CA13: variants seen among roughly 807,000 people sequenced by gnomAD.
The protein encoded by CA13 is carbonic anhydrase 13.
In CA13, 21 loss-of-function variants were observed where a neutral mutation model predicts 31.5. That is an observed-to-expected ratio of 0.67 (90% CI 0.47 to 0.96). The LOEUF (loss-of-function observed/expected upper bound fraction) is 0.96, where lower values mean the gene tolerates loss of function less well. Among genes scored for constraint, CA13 ranks in the 40% least tolerant of loss-of-function variants. CA13 has a pLI of 0.00. For synonymous variants in CA13, 117 were observed against 111.4 expected (o/e 1.05, Z -0.32); for missense variants, 315 against 318.9 (o/e 0.99, Z 0.09).
intron 6 of CA13, among the ~76,000 whole-genome samples, chr8:85,277,557 C>T (rs554199305): frequency 6.6e-6 from 1 of 152,286 alleles, no homozygotes; most frequent in African/African-American, 2.4e-5. Context: ...ATTCCGGACA[C>T]AATAACACTC....
chr8:85,259,529 A>T lies in CA13; in HGVS notation c.344A>T (p.Tyr115Phe), dbSNP rs367666975. Residue 115 changes from tyrosine (Y) to phenylalanine (F), a missense_variant, in exon 3 of 7, where the codon TAT becomes TTT. Transcript: ENST00000321764. ...GAGCACATAGTAGATGGAGTGAGCT[A>T]TGCTGCAGAGGTAAGCCATAAGACA... ...GSEHIVDGVSYAAELHVVHWN... is the reference protein window; with the variant it reads ...GSEHIVDGVSFAAELHVVHWN... 1 of 1,613,656 alleles carries T rather than the reference A, an allele frequency of 6.2e-7. No homozygotes were observed. The highest frequency in any genetic ancestry group is 8.5e-7 in the Non-Finnish European group (1 of 1,179,562).
Position 85,281,201 on chromosome 8 carries a change from C to G in CA13, c.670-29C>G, listed in dbSNP as rs766180296. 1.4e-5 allele frequency: 22 copies of G among 1,602,888 alleles called. No individual in the cohort carries two copies. The African/African-American group carries it at 2.8e-4, about 20-fold the overall frequency. On this transcript the variant is annotated intron_variant, in intron 6 of 6. Transcript: ENST00000321764. The stretch of plus-strand genomic sequence containing the variant: ...ATTAATATTGGTGGGAATTTCTATG[C>G]TGAAGCTAACTCTTTTCTTCTTCTA...
At chr8:85,250,449 G>T (rs1484296555) in intron 1 of CA13, among the ~76,000 whole-genome samples, 1 of 151,878 alleles carries the variant, frequency 6.6e-6, no homozygotes, top group Non-Finnish European at 1.5e-5. Context: ...TTTTAGTTTG[G>T]TAGAAGGTTA....
chr8:85,276,153 C>G (rs936617496), intron 6 of CA13, among the ~76,000 whole-genome samples: 3 of 152,222 alleles, frequency 2.0e-5, no homozygotes, highest in Non-Finnish European at 4.4e-5. Context: ...GTCCCGCACT[C>G]GGAGCGGCGG....
intron 2 of CA13, among the ~76,000 whole-genome samples, chr8:85,256,068 A>T (rs868458986): frequency 6.6e-6 from 1 of 152,190 alleles, no homozygotes; most frequent in Non-Finnish European, 1.5e-5. Flanking sequence ...ACGGAAAGAC[A>T]TGGAAAATAC....
At position 85,278,157 on chromosome 8, in the gene CA13, T is replaced by C. The variant is rs989012497; in HGVS notation, c.670-3073T>C. ...CCTGCCTATATATAACCTCAGCTACTCCGGAGGCTGAGGCATGAGAATTGC... is the reference window on the plus strand; with the variant it reads ...CCTGCCTATATATAACCTCAGCTACCCCGGAGGCTGAGGCATGAGAATTGC... On this transcript the variant is annotated intron_variant, in intron 6 of 6. Transcript: ENST00000321764. 4.7e-5 allele frequency among the ~76,000 whole-genome samples: 7 copies of C among 149,386 alleles called. No homozygotes were observed. In the East Asian group the frequency reaches 1.4e-3, roughly 29 times the overall value.
At chr8:85,251,087 C>T (rs1292418437) in intron 2 of CA13, 150 bp downstream of exon 2, 9 of 675,400 alleles carry the variant, frequency 1.3e-5, no homozygotes, top group Admixed American at 1.1e-4. Flanking sequence ...TTGCAACCTC[C>T]GCCTCCTAAG....
chr8:85,246,302 T>A (rs1261893234), intron 1 of CA13: 1 of 456,080 alleles, frequency 2.2e-6, no homozygotes, highest in East Asian at 6.9e-5. Flanking sequence ...ATAGAAAATC[T>A]TTAAAAATAT....
chr8:85,263,861 A>G (rs899248106), intron 3 of CA13, among the ~76,000 whole-genome samples: 1 of 152,176 alleles, frequency 6.6e-6, no homozygotes, highest in Admixed American at 6.5e-5. Context: ...TTCATGTTCA[A>G]AAGAACCCCT....
At chr8:85,276,467 A>G (rs1255394023) in intron 6 of CA13, among the ~76,000 whole-genome samples, 1 of 152,254 alleles carries the variant, frequency 6.6e-6, no homozygotes, top group Non-Finnish European at 1.5e-5. Flanking sequence ...TGCGAGATCC[A>G]CTGGGTGAAG....
chr8:85,278,597 G>A (rs142865425), intron 6 of CA13, among the ~76,000 whole-genome samples: 4 of 152,322 alleles, frequency 2.6e-5, no homozygotes, highest in East Asian at 1.9e-4. Flanking sequence ...ATGATACGAT[G>A]TTGGGAATTT....
chr8:85,251,245 G>A (rs1045660983), intron 2 of CA13, among the ~76,000 whole-genome samples: 6 of 151,960 alleles, frequency 3.9e-5, no homozygotes, highest in South Asian at 4.2e-4. Context: ...CTCGTGATCC[G>A]CCTGCCTCGG....
chr8:85,268,663 C>A, intron 6 of CA13, 36 bp downstream of exon 6: 1 of 1,511,914 alleles, frequency 6.6e-7, no homozygotes, highest in Non-Finnish European at 8.9e-7. Flanking sequence ...CTGATTCCCT[C>A]AGAGGAAACT....
intron 6 of CA13, among the ~76,000 whole-genome samples, chr8:85,275,926 C>T (rs2130004301): frequency 6.6e-6 from 1 of 152,380 alleles, no homozygotes; most frequent in East Asian, 1.9e-4. Context: ...CTTGCTCGCT[C>T]TCAGCGCCTC....
At chr8:85,268,391 G>C in intron 5 of CA13, 81 bp from the exon 6 acceptor site, 1 of 1,148,478 alleles carries the variant, frequency 8.7e-7, no homozygotes, top group Non-Finnish European at 1.3e-6. Flanking sequence ...AATTATAATG[G>C]AAGTACATGG....
chr8:85,274,922 G>A (rs1005376398), intron 6 of CA13, among the ~76,000 whole-genome samples: 2 of 152,196 alleles, frequency 1.3e-5, no homozygotes, highest in Non-Finnish European at 1.5e-5. Context: ...CGAGGGTGTT[G>A]CCTGCCTGCT....
intron 1 of CA13, among the ~76,000 whole-genome samples, chr8:85,250,029 T>A (rs1389840030): frequency 6.6e-6 from 1 of 152,236 alleles, no homozygotes; most frequent in Non-Finnish European, 1.5e-5. Context: ...AATTCAAATG[T>A]AACATTGGCA....
At position 85,253,014 on chromosome 8, in the gene CA13, C is replaced by T. The variant is rs1181971740; in HGVS notation, c.235+2077C>T. On this transcript the variant is annotated intron_variant, in intron 2 of 6. Transcript: ENST00000321764. ...AGGCTGGAGTGCAATGGCACAGTCT[C>T]GGCTCACCGCAACCTCTGCCTTCCG... Among the ~76,000 whole-genome samples the T allele has an allele frequency of 2.0e-5, 3 of 151,092 alleles. No individual in the cohort carries two copies. In the South Asian group the frequency reaches 6.2e-4, roughly 31 times the overall value.
intron 6 of CA13, among the ~76,000 whole-genome samples, chr8:85,280,447 A>G (rs1231055752): frequency 1.3e-5 from 2 of 152,208 alleles, no homozygotes; most frequent in African/African-American, 4.8e-5. Flanking sequence ...TGTACAAGAA[A>G]CATTTTAGGC....
Sources: allele counts gnomAD v4.1 joint callset (sites outside exome capture counted in the v4.1 genomes callset), GRCh38; gene constraint gnomAD v4.1.1; transcripts MANE v1.5; gene names NCBI Gene and HGNC (gene_info 2026-07-23, HGNC 2026-07-21).